The following NPAS3 variants were observed in gnomAD, a reference collection of about 807,000 sequenced individuals.
NPAS3 encodes neuronal PAS domain protein 3.
A neutral mutation model predicts 73.1 loss-of-function variants in NPAS3; 14 were observed. The ratio of observed to expected loss-of-function variants is 0.19; its 90% confidence interval spans 0.13 to 0.30. The LOEUF (loss-of-function observed/expected upper bound fraction) is 0.30, where lower values mean the gene tolerates loss of function less well. Among genes scored for constraint, NPAS3 ranks in the 10% least tolerant of loss-of-function variants. The pLI is 1.00. For synonymous variants in NPAS3, 620 were observed against 541.5 expected (o/e 1.14, Z -2.01); for missense variants, 1,096 against 1,250.0 (o/e 0.88, Z 1.86).
At chr14:33,116,263 C>T (rs983353099) in intron 2 of NPAS3, among the ~76,000 whole-genome samples, 2 of 152,104 alleles carry the variant, frequency 1.3e-5, no homozygotes, top group Non-Finnish European at 1.5e-5. Context: ...AGTAAACATG[C>T]TACTTTCTGT....
intron 2 of NPAS3, among the ~76,000 whole-genome samples, chr14:33,136,244 A>G (rs1161629873): frequency 2.6e-5 from 4 of 151,786 alleles, no homozygotes; most frequent in African/African-American, 9.7e-5. Flanking sequence ...TATTTTTAGT[A>G]GAGACAGGGT....
intron 7 of NPAS3, among the ~76,000 whole-genome samples, chr14:33,763,612 C>T (rs2062366602): frequency 6.6e-6 from 1 of 152,184 alleles, no homozygotes; most frequent in Non-Finnish European, 1.5e-5. Context: ...GAGGTCCTTG[C>T]CATCAAACAG....
intron 2 of NPAS3, among the ~76,000 whole-genome samples, chr14:33,078,370 T>C (rs2041743772): frequency 6.6e-6 from 1 of 152,150 alleles, no homozygotes; most frequent in African/African-American, 2.4e-5. Context: ...AATTCTCTTC[T>C]TTATTCTGGG....
chr14:32,968,885 C>G (rs1328676638), intron 1 of NPAS3, among the ~76,000 whole-genome samples: 2 of 151,872 alleles, frequency 1.3e-5, no homozygotes, highest in African/African-American at 4.8e-5. Flanking sequence ...CAACCCATCA[C>G]CTAGGTATTA....
intron 1 of NPAS3, among the ~76,000 whole-genome samples, chr14:33,050,977 A>G (rs979754361): frequency 2.0e-5 from 3 of 152,218 alleles, no homozygotes; most frequent in African/African-American, 7.2e-5. Flanking sequence ...AGCTGAGGTT[A>G]AAAGAGACTA....
intron 4 of NPAS3, among the ~76,000 whole-genome samples, chr14:33,518,665 C>T (rs2053421078): frequency 6.8e-6 from 1 of 146,596 alleles, no homozygotes; most frequent in South Asian, 2.2e-4. Context: ...GGAATACATC[C>T]TCCTTCCTCC....
intron 6 of NPAS3, among the ~76,000 whole-genome samples, chr14:33,708,487 T>C (rs949125548): frequency 1.3e-5 from 2 of 152,102 alleles, no homozygotes; most frequent in Non-Finnish European, 2.9e-5. Context: ...AGTTAAGAGA[T>C]GGAAGGCAAT....
intron 10 of NPAS3, among the ~76,000 whole-genome samples, chr14:33,797,019 C>T (rs181360978): frequency 4.3e-4 from 65 of 152,200 alleles, no homozygotes; most frequent in African/African-American, 1.2e-3. Flanking sequence ...GCCATCTGAG[C>T]GGCTGAGAAG....
At chr14:33,237,114 C>T (rs942376175) in intron 3 of NPAS3, among the ~76,000 whole-genome samples, 2 of 152,044 alleles carry the variant, frequency 1.3e-5, no homozygotes, top group Admixed American at 6.6e-5. Flanking sequence ...ATGTTTTTAA[C>T]ACAACAGAGC....
At chr14:33,195,651 T>TA (rs2046326209) in intron 2 of NPAS3, among the ~76,000 whole-genome samples, 1 of 152,270 alleles carries the variant, frequency 6.6e-6, no homozygotes, top group Non-Finnish European at 1.5e-5. Context: ...ACACAGCTGA[T>TA]ATTTGTTATT....
intron 6 of NPAS3, among the ~76,000 whole-genome samples, chr14:33,681,327 A>G (rs1245693915): frequency 2.0e-5 from 3 of 151,714 alleles, no homozygotes; most frequent in African/African-American, 7.3e-5. Flanking sequence ...CAAGATTTCT[A>G]TCAATGAACT....
chr14:33,279,837 T>A (rs2041514632), intron 3 of NPAS3, among the ~76,000 whole-genome samples: 1 of 152,144 alleles, frequency 6.6e-6, no homozygotes, highest in African/African-American at 2.4e-5. Context: ...GCAGGTTGAA[T>A]CGCACAAAAT....
chr14:33,285,647 C>T (rs1447408832), intron 3 of NPAS3, among the ~76,000 whole-genome samples: 1 of 152,154 alleles, frequency 6.6e-6, no homozygotes, highest in Non-Finnish European at 1.5e-5. Flanking sequence ...AAAGATTCTG[C>T]CTCCTTCTGC....
At chr14:33,691,598 A>C (rs1344768805) in intron 6 of NPAS3, among the ~76,000 whole-genome samples, 1 of 152,254 alleles carries the variant, frequency 6.6e-6, no homozygotes, top group Non-Finnish European at 1.5e-5. Context: ...TGGGTACTTA[A>C]TACCTCATAA....
chr14:33,682,186 A>G (rs1318123760), intron 6 of NPAS3, among the ~76,000 whole-genome samples: 2 of 152,238 alleles, frequency 1.3e-5, no homozygotes, highest in African/African-American at 4.8e-5. Context: ...AGATAAATCC[A>G]TCAGATAAAC....
intron 5 of NPAS3, among the ~76,000 whole-genome samples, chr14:33,647,286 CTCTCTATATA>C (rs1254655943): frequency 4.6e-5 from 7 of 151,110 alleles, no homozygotes; most frequent in African/African-American, 1.5e-4. Flanking sequence ...CTCTCTCTCT[CTCTCTATATA>C]TATATATATA....
downstream of NPAS3, chr14:33,802,614 G>C (rs2063743799): frequency 6.6e-6 from 1 of 152,222 alleles, no homozygotes; most frequent in African/African-American, 2.4e-5. Context: ...TTCAATGTGT[G>C]TTTCTATATG....
At chr14:33,044,344 C>T (rs1233061381) in intron 1 of NPAS3, among the ~76,000 whole-genome samples, 6 of 152,168 alleles carry the variant, frequency 3.9e-5, no homozygotes, top group African/African-American at 9.7e-5. Flanking sequence ...ATTTGAACCA[C>T]GGTTTTTAGA....
At chr14:33,290,198 T>C (rs1442052119) in intron 3 of NPAS3, among the ~76,000 whole-genome samples, 2 of 152,240 alleles carry the variant, frequency 1.3e-5, no homozygotes, top group Non-Finnish European at 2.9e-5. Context: ...CCTGAAGGTT[T>C]ATGTAATATT....
Sources: allele counts gnomAD v4.1 joint callset (sites outside exome capture counted in the v4.1 genomes callset), GRCh38; gene constraint gnomAD v4.1.1; transcripts MANE v1.5; gene names NCBI Gene and HGNC (gene_info 2026-07-23, HGNC 2026-07-21).